Variants in PTPRD observed in about 807,000 individuals in gnomAD.
The protein encoded by PTPRD is protein tyrosine phosphatase receptor type D.
Under a neutral mutation model 214.5 loss-of-function variants are expected in PTPRD, and 34 were observed. The observed-to-expected ratio is 0.16, with a 90% confidence interval of 0.12 to 0.21. The LOEUF is 0.21. Ranked by LOEUF, PTPRD falls within the 10% of genes least tolerant of loss-of-function variation. The pLI, the probability that PTPRD is intolerant of heterozygous loss-of-function variation, is 1.00. For missense variants in PTPRD, 2,545 were observed against 2,398.7 expected (o/e 1.06, Z -1.27); for synonymous variants, 1,128 against 845.7 (o/e 1.33, Z -5.79).
intron 11 of PTPRD, among the ~76,000 whole-genome samples, chr9:8,916,449 G>A (rs10046838): frequency 0.58 from 87,608 of 151,900 alleles, 26,106 homozygotes; most frequent in African/African-American, 0.73. Context: ...GATGGGGTAA[G>A]TGGGGGCACT....
chr9:8,640,651 A>G (rs1317822033), intron 12 of PTPRD, among the ~76,000 whole-genome samples: 3 of 150,578 alleles, frequency 2.0e-5, no homozygotes, highest in African/African-American at 4.9e-5. Flanking sequence ...ACAGTTAAAT[A>G]ATTTCAGGGG....
intron 3 of PTPRD, among the ~76,000 whole-genome samples, chr9:10,060,143 A>G (rs1176395550): frequency 2.6e-5 from 4 of 152,084 alleles, no homozygotes; most frequent in Non-Finnish European, 5.9e-5. Context: ...TACCAAAGCA[A>G]AACCTCCTAA....
At chr9:8,525,150 G>A (rs889402904) in intron 17 of PTPRD, 115 bp from the exon 18 acceptor site, 7 of 853,182 alleles carry the variant, frequency 8.2e-6, no homozygotes, top group South Asian at 4.0e-5. Context: ...TCCACTCAAC[G>A]TCGATTCAAT....
intron 30 of PTPRD, among the ~76,000 whole-genome samples, chr9:8,483,768 G>C (rs1006029363): frequency 6.7e-6 from 1 of 149,194 alleles, no homozygotes; most frequent in African/African-American, 2.5e-5. Context: ...GACAGGGCGA[G>C]ACTCCGTCTC....
intron 2 of PTPRD, among the ~76,000 whole-genome samples, chr9:10,505,559 G>T (rs1358920): frequency 0.25 from 38,255 of 151,938 alleles, 5,100 homozygotes; most frequent in Middle Eastern, 0.31. Flanking sequence ...AGAATAAAGT[G>T]TTAGGAAACA....
chr9:9,392,410 T>G (rs1462443334), intron 9 of PTPRD, among the ~76,000 whole-genome samples: 2 of 152,282 alleles, frequency 1.3e-5, no homozygotes, highest in Non-Finnish European at 2.9e-5. Flanking sequence ...CAAGATCTTT[T>G]CTGCATATTT....
At position 8,614,323 on chromosome 9, in the gene PTPRD, A is replaced by C. The variant is rs186329869; in HGVS notation, c.352+18994T>G. Among the ~76,000 whole-genome samples, 5 of 152,302 alleles carry C rather than the reference A, an allele frequency of 3.3e-5. No homozygotes were observed. The East Asian group carries it at 9.7e-4, about 29-fold the overall frequency. ...AACACATGCAGTCACAGCTAAGGTC[A>C]AACAAGGCAACCAGTTTATGCATTT... On this transcript the variant is annotated intron_variant, in intron 14 of 45. Coordinates refer to ENST00000381196, the MANE Select transcript of PTPRD (RefSeq NM_002839.4).
chr9:10,206,857 T>G (rs1399738238), intron 3 of PTPRD, among the ~76,000 whole-genome samples: 1 of 152,044 alleles, frequency 6.6e-6, no homozygotes. Context: ...TGAGACTGAG[T>G]GTAACTCAGA....
At chr9:10,178,854 G>A (rs954362859) in intron 3 of PTPRD, among the ~76,000 whole-genome samples, 9 of 151,772 alleles carry the variant, frequency 5.9e-5, no homozygotes, top group Non-Finnish European at 8.8e-5. Context: ...ATGCACACTG[G>A]GGGATAAAAT....
intron 2 of PTPRD, among the ~76,000 whole-genome samples, chr9:10,437,342 A>G (rs914135459): frequency 4.0e-5 from 6 of 151,872 alleles, no homozygotes; most frequent in Admixed American, 6.6e-5. Flanking sequence ...GACTATTGCA[A>G]ATTGATAGCT....
chr9:10,429,793 T>C (rs2098660269), intron 2 of PTPRD, among the ~76,000 whole-genome samples: 1 of 151,874 alleles, frequency 6.6e-6, no homozygotes, highest in Non-Finnish European at 1.5e-5. Flanking sequence ...ATAAAATGTA[T>C]GTTATGAATT....
chr9:8,576,881 G>A (rs2092449953), intron 14 of PTPRD, among the ~76,000 whole-genome samples: 1 of 152,134 alleles, frequency 6.6e-6, no homozygotes, highest in Non-Finnish European at 1.5e-5. Flanking sequence ...TGCTATTGAT[G>A]CTACCTTTTG....
At chr9:8,324,562 T>C (rs577697721) in intron 44 of PTPRD, among the ~76,000 whole-genome samples, 18 of 152,286 alleles carry the variant, frequency 1.2e-4, no homozygotes, top group Admixed American at 3.9e-4. Flanking sequence ...AATAAACATA[T>C]GTGTGCATGT....
At chr9:9,262,657 A>G (rs79035931) in intron 9 of PTPRD, among the ~76,000 whole-genome samples, 1 of 151,660 alleles carries the variant, frequency 6.6e-6, no homozygotes, top group Non-Finnish European at 1.5e-5. Flanking sequence ...CACTTAGTCA[A>G]TGATTCCTAG....
chr9:9,836,154 A>G (rs545451360), intron 5 of PTPRD, among the ~76,000 whole-genome samples: 58 of 152,162 alleles, frequency 3.8e-4, no homozygotes, highest in Non-Finnish European at 7.8e-4. Flanking sequence ...TGGGAATATC[A>G]AGAGTCCAGG....
At chr9:10,196,068 T>C (rs1180589748) in intron 3 of PTPRD, among the ~76,000 whole-genome samples, 1 of 152,214 alleles carries the variant, frequency 6.6e-6, no homozygotes, top group Non-Finnish European at 1.5e-5. Context: ...ATTTCATAAC[T>C]AGATTGTGGT....
At chr9:10,567,786 C>T (rs2066086263) in intron 2 of PTPRD, among the ~76,000 whole-genome samples, 1 of 151,358 alleles carries the variant, frequency 6.6e-6, no homozygotes, top group South Asian at 2.1e-4. Context: ...AGTATTTAAC[C>T]TTCTAATTAT....
chr9:9,169,068 G>C (rs1232585630), intron 10 of PTPRD, among the ~76,000 whole-genome samples: 1 of 151,796 alleles, frequency 6.6e-6, no homozygotes, highest in Non-Finnish European at 1.5e-5. Flanking sequence ...ATTTTTATCA[G>C]TGGAAATCAA....
intron 6 of PTPRD, among the ~76,000 whole-genome samples, chr9:9,754,754 A>G (rs2098552855): frequency 6.6e-6 from 1 of 152,068 alleles, no homozygotes; most frequent in Non-Finnish European, 1.5e-5. Flanking sequence ...TGTAAAGTAG[A>G]TTGTTCAATT....
Sources: allele counts gnomAD v4.1 joint callset (sites outside exome capture counted in the v4.1 genomes callset), GRCh38; gene constraint gnomAD v4.1.1; transcripts MANE v1.5; gene names NCBI Gene and HGNC (gene_info 2026-07-23, HGNC 2026-07-21).